FA2H: variants seen among roughly 807,000 people sequenced by gnomAD.
The protein encoded by FA2H is fatty acid 2-hydroxylase.
In FA2H, 22 loss-of-function variants were observed where a neutral mutation model predicts 44.9. The observed-to-expected ratio is 0.49, with a 90% CI of 0.35 to 0.70. The LOEUF (loss-of-function observed/expected upper bound fraction) is 0.70, where lower values mean the gene tolerates loss of function less well. FA2H is among the 30% of genes least tolerant of loss of function. The pLI, the probability that FA2H is intolerant of heterozygous loss-of-function variation, is 0.01. For synonymous variants in FA2H, 243 were observed against 213.2 expected (o/e 1.14, Z -1.22); for missense variants, 501 against 504.9 (o/e 0.99, Z 0.07).
At position 74,714,268 on chromosome 16, in the gene FA2H, T is replaced by C; in HGVS notation, c.1041A>G (p.Gly347=). The change falls in exon 7 of 7, where the codon GGA becomes GGG. Residue 347 remains glycine (G), a splice_region_variant and synonymous_variant. Transcript: ENST00000219368. ...VKHHFAHQKS[G]FGISTKLWDY... ...CCCACAATTTAGTGCTGATACCAAA[T>C]CCTAGAGAGGGAGACAAACGGGGAG... The C allele has an allele frequency of 6.4e-7, 1 of 1,554,048 alleles. No individual in the cohort carries two copies. The highest frequency in any genetic ancestry group is 8.7e-7 in the Non-Finnish European group (1 of 1,146,824).
intron 4 of FA2H, among the ~76,000 whole-genome samples, chr16:74,719,675 C>T (rs1394377018): frequency 6.6e-6 from 1 of 151,966 alleles, no homozygotes; most frequent in African/African-American, 2.4e-5. Flanking sequence ...GTAGCTGGGA[C>T]CACAGGTGCA....
chr16:74,748,737 G>C (rs1962474030), intron 1 of FA2H, among the ~76,000 whole-genome samples: 1 of 152,040 alleles, frequency 6.6e-6, no homozygotes, highest in African/African-American at 2.4e-5. Context: ...GTCCACCATA[G>C]AGGCCGCGTG....
At chr16:74,742,868 C>G (rs1962342245) in intron 1 of FA2H, among the ~76,000 whole-genome samples, 1 of 152,010 alleles carries the variant, frequency 6.6e-6, no homozygotes, top group South Asian at 2.1e-4. Context: ...AATTTACTAT[C>G]AGCAACATTT....
intron 4 of FA2H, among the ~76,000 whole-genome samples, chr16:74,723,281 G>C (rs1391511488): frequency 6.6e-6 from 1 of 152,138 alleles, no homozygotes; most frequent in Non-Finnish European, 1.5e-5. Context: ...CGCCACACTT[G>C]GCTTTTCTCC....
chr16:74,740,598 G>A (rs1011690289), intron 1 of FA2H, among the ~76,000 whole-genome samples: 3 of 147,812 alleles, frequency 2.0e-5, no homozygotes, highest in Non-Finnish European at 4.5e-5. Flanking sequence ...CAGCCTGGAC[G>A]ACAGAGCAAG....
At chr16:74,725,445 C>T (rs1961931435) in intron 4 of FA2H, among the ~76,000 whole-genome samples, 1 of 152,192 alleles carries the variant, frequency 6.6e-6, no homozygotes, top group Admixed American at 6.5e-5. Context: ...CCACAGTCAT[C>T]CTAAACCCCA....
At chr16:74,747,964 C>T (rs1962456853) in intron 1 of FA2H, among the ~76,000 whole-genome samples, 1 of 152,256 alleles carries the variant, frequency 6.6e-6, no homozygotes. Context: ...GGGAGGCATC[C>T]GAGGAGCCGT....
intron 1 of FA2H, among the ~76,000 whole-genome samples, chr16:74,772,382 A>C (rs1252546927): frequency 2.0e-5 from 3 of 152,204 alleles, no homozygotes; most frequent in African/African-American, 7.2e-5. Flanking sequence ...ACTCTGATAC[A>C]CCATTAATTA....
chr16:74,773,135 C>CA, intron 1 of FA2H, among the ~76,000 whole-genome samples: 2 of 152,274 alleles, frequency 1.3e-5, no homozygotes, highest in South Asian at 2.1e-4. Context: ...CTCGGCCTCC[C>CA]AAAGTGCTAG....
chr16:74,729,004 A>AAT (rs1962019287), intron 2 of FA2H, among the ~76,000 whole-genome samples: 4 of 38,990 alleles, frequency 1.0e-4, no homozygotes, highest in Admixed American at 3.9e-4. Flanking sequence ...GATGGTCTTG[A>AAT]TTTTTTTTTT....
chr16:74,769,186 A>G (rs1962860719), intron 1 of FA2H, among the ~76,000 whole-genome samples: 3 of 152,162 alleles, frequency 2.0e-5, no homozygotes, highest in Admixed American at 2.0e-4. Context: ...TCAACTTCCC[A>G]GGCTCAGGTG....
chr16:74,726,810 G>T (rs1469231273), intron 3 of FA2H, among the ~76,000 whole-genome samples: 1 of 152,208 alleles, frequency 6.6e-6, no homozygotes, highest in African/African-American at 2.4e-5. Flanking sequence ...GTGGGGAAGA[G>T]AAAAGAGGAG....
At chr16:74,715,941 A>G (rs1961685339) in intron 6 of FA2H, among the ~76,000 whole-genome samples, 1 of 151,526 alleles carries the variant, frequency 6.6e-6, no homozygotes. Context: ...TCAGCCTCCC[A>G]AGTAGCTGAG....
chr16:74,735,309 G>T (rs116227632), intron 2 of FA2H, among the ~76,000 whole-genome samples: 1 of 152,118 alleles, frequency 6.6e-6, no homozygotes, highest in Admixed American at 6.5e-5. Flanking sequence ...TGGCGTTGCC[G>T]GAGTGGCTGC....
intron 1 of FA2H, among the ~76,000 whole-genome samples, chr16:74,760,039 C>A (rs1962678599): frequency 6.6e-6 from 1 of 152,216 alleles, no homozygotes; most frequent in Non-Finnish European, 1.5e-5. Context: ...CTAGCAACTC[C>A]TCTTCCATGT....
At chr16:74,748,055 C>G (rs572184120) in intron 1 of FA2H, among the ~76,000 whole-genome samples, 1 of 152,270 alleles carries the variant, frequency 6.6e-6, no homozygotes, top group East Asian at 1.9e-4. Context: ...CCTTGCCACC[C>G]AGCCCGCAGG....
At chr16:74,723,421 C>T (rs949190383) in intron 4 of FA2H, among the ~76,000 whole-genome samples, 3 of 152,184 alleles carry the variant, frequency 2.0e-5, no homozygotes, top group Non-Finnish European at 4.4e-5. Flanking sequence ...CGAAGCTCTA[C>T]ACCAACTCCA....
chr16:74,750,893 T>A (rs1023226439), intron 1 of FA2H, among the ~76,000 whole-genome samples: 1 of 151,952 alleles, frequency 6.6e-6, no homozygotes, highest in South Asian at 2.1e-4. Flanking sequence ...GCAATCCTTC[T>A]ACCTCAGCCT....
intron 1 of FA2H, among the ~76,000 whole-genome samples, chr16:74,752,397 C>A (rs1356360742): frequency 6.6e-6 from 1 of 152,148 alleles, no homozygotes; most frequent in Non-Finnish European, 1.5e-5. Context: ...TTGCCCACCT[C>A]CTTCCACTTC....
Sources: allele counts gnomAD v4.1 joint callset (sites outside exome capture counted in the v4.1 genomes callset), GRCh38; gene constraint gnomAD v4.1.1; transcripts MANE v1.5; gene names NCBI Gene and HGNC (gene_info 2026-07-23, HGNC 2026-07-21).